Variants in SLC13A3 observed in about 807,000 individuals in gnomAD.
SLC13A3 encodes solute carrier family 13 member 3.
In SLC13A3, 40 loss-of-function variants were observed where a neutral mutation model predicts 59.0. The observed-to-expected ratio is 0.68, with a 90% CI of 0.53 to 0.88. The LOEUF (loss-of-function observed/expected upper bound fraction) is 0.88. Ranked by LOEUF, SLC13A3 falls within the 40% of genes least tolerant of loss-of-function variation. The pLI, the probability that SLC13A3 is intolerant of heterozygous loss-of-function variation, is 0.00. For missense variants in SLC13A3, 699 were observed against 783.2 expected (o/e 0.89, Z 1.28); for synonymous variants, 317 against 330.3 (o/e 0.96, Z 0.44).
chr20:46,678,926 T>C (rs1568968798), intron 1 of SLC13A3, among the ~76,000 whole-genome samples: 2 of 152,100 alleles, frequency 1.3e-5, no homozygotes, highest in Non-Finnish European at 2.9e-5. Flanking sequence ...AGACAGCCAG[T>C]TGTTTAAAGG....
At chr20:46,609,028 C>T in intron 3 of SLC13A3, 1 of 1,550,546 alleles carries the variant, frequency 6.4e-7, no homozygotes, top group Non-Finnish European at 8.7e-7. Flanking sequence ...TTCAGCCTTT[C>T]CTCAGAGAGG....
chr20:46,640,256 C>A (rs73908952), intron 1 of SLC13A3, among the ~76,000 whole-genome samples: 2,551 of 152,240 alleles, frequency 0.017, 40 homozygotes, highest in Middle Eastern at 0.051. Context: ...GAGCTGAGTA[C>A]AGTGGAAATC....
chr20:46,670,736 A>C, upstream of SLC13A3, among the ~76,000 whole-genome samples: 1 of 152,132 alleles, frequency 6.6e-6, no homozygotes, highest in Non-Finnish European at 1.5e-5. Context: ...CACCCAACTG[A>C]GCCCAGTCAA....
At chr20:46,622,876 T>G (rs1391014837) in intron 1 of SLC13A3, among the ~76,000 whole-genome samples, 4 of 152,136 alleles carry the variant, frequency 2.6e-5, no homozygotes. Context: ...CAGAGGAACT[T>G]CCTGATAAAA....
At chr20:46,628,077 C>T (rs73113800) in intron 1 of SLC13A3, among the ~76,000 whole-genome samples, 1,752 of 152,290 alleles carry the variant, frequency 0.012, 17 homozygotes, top group Non-Finnish European at 0.018. Flanking sequence ...ACACCAGCCA[C>T]GTGGCCACAC....
At chr20:46,669,459 AT>A (rs1412936563) in intron 1 of SLC13A3, among the ~76,000 whole-genome samples, 1 of 152,090 alleles carries the variant, frequency 6.6e-6, no homozygotes, top group African/African-American at 2.4e-5. Context: ...GATTACCTTC[AT>A]TACAGAGGAA....
chr20:46,601,035 C>T (rs917131856), intron 3 of SLC13A3, among the ~76,000 whole-genome samples: 30 of 151,780 alleles, frequency 2.0e-4, no homozygotes, highest in African/African-American at 6.8e-4. Flanking sequence ...TGCAAAGGCC[C>T]GGCAGTAAGG....
At chr20:46,600,304 A>G (rs1402444625) in intron 3 of SLC13A3, among the ~76,000 whole-genome samples, 1 of 102,560 alleles carries the variant, frequency 9.8e-6, no homozygotes, top group African/African-American at 5.0e-5. Flanking sequence ...AGAAAGAAAG[A>G]AAGAAAGAGG....
intron 1 of SLC13A3, among the ~76,000 whole-genome samples, chr20:46,616,861 G>A (rs914635786): frequency 2.0e-4 from 30 of 152,272 alleles, no homozygotes; most frequent in African/African-American, 7.0e-4. Context: ...GGGAACAATC[G>A]GTTTCCACAG....
chr20:46,648,038 G>A (rs892698029), intron 1 of SLC13A3, among the ~76,000 whole-genome samples: 4 of 152,170 alleles, frequency 2.6e-5, no homozygotes, highest in East Asian at 3.8e-4. Context: ...CGCTGAGGAC[G>A]CCTGTCTTGA....
At chr20:46,666,184 T>C (rs941633284) in intron 1 of SLC13A3, among the ~76,000 whole-genome samples, 1 of 152,252 alleles carries the variant, frequency 6.6e-6, no homozygotes, top group African/African-American at 2.4e-5. Flanking sequence ...GATAATTTTA[T>C]GTCAGGCATT....
At chr20:46,583,818 A>T in intron 8 of SLC13A3, 149 bp from the exon 9 acceptor site, 1 of 1,471,396 alleles carries the variant, frequency 6.8e-7, no homozygotes, top group Non-Finnish European at 9.0e-7. Flanking sequence ...TCTGTCCTTC[A>T]GTGCGCTCAG....
At chr20:46,617,130 C>T (rs1261814427) in intron 1 of SLC13A3, among the ~76,000 whole-genome samples, 1 of 152,204 alleles carries the variant, frequency 6.6e-6, no homozygotes, top group South Asian at 2.1e-4. Flanking sequence ...GTTCCTGGCA[C>T]ATTGTAGGCA....
At chr20:46,580,312 G>T (rs1440348714) in intron 9 of SLC13A3, among the ~76,000 whole-genome samples, 1 of 151,934 alleles carries the variant, frequency 6.6e-6, no homozygotes, top group African/African-American at 2.4e-5. Context: ...TAAGGAAACT[G>T]CTTTCTGTTT....
At chr20:46,676,578 T>C (rs1036350571) in intron 1 of SLC13A3, among the ~76,000 whole-genome samples, 1 of 151,952 alleles carries the variant, frequency 6.6e-6, no homozygotes, top group African/African-American at 2.4e-5. Context: ...TCTTTTCTTT[T>C]TCTTTAGTTT....
At position 46,563,540 on chromosome 20, in the gene SLC13A3, C is replaced by T; in HGVS notation, c.1506G>A (p.Leu502=). 1 of 1,613,706 alleles carries T rather than the reference C, an allele frequency of 6.2e-7. No individual in the cohort carries two copies. The highest frequency in any genetic ancestry group is 8.5e-7 in the Non-Finnish European group (1 of 1,179,902). The change falls in exon 12 of 13, where the codon CTG becomes CTA. Residue 502 remains leucine, a synonymous_variant. Transcript: ENST00000279027. ...TCATCAGATACAGGGGGTGCACTCTCAGGCGGATGGCCTGGGCCAGGAAAA... is the reference window on the plus strand; with the variant it reads ...TCATCAGATACAGGGGGTGCACTCTTAGGCGGATGGCCTGGGCCAGGAAAA... The part of the protein sequence containing the change: ...LPVLAELAIR[L]RVHPLYLMIP...
intron 1 of SLC13A3, among the ~76,000 whole-genome samples, chr20:46,647,512 G>A (rs1202254792): frequency 1.3e-5 from 2 of 152,142 alleles, no homozygotes; most frequent in Admixed American, 1.3e-4. Flanking sequence ...TGTAGTCCCT[G>A]GGGTAGCATC....
chr20:46,650,303 G>A (rs1262770971), intron 1 of SLC13A3, among the ~76,000 whole-genome samples: 1 of 152,070 alleles, frequency 6.6e-6, no homozygotes, highest in African/African-American at 2.4e-5. Context: ...ACTGAATACC[G>A]ACATAGTCAC....
At chr20:46,609,072 G>C (rs771506383) in intron 3 of SLC13A3, 1 of 1,549,162 alleles carries the variant, frequency 6.5e-7, no homozygotes, top group South Asian at 1.2e-5. Flanking sequence ...AAGAACAAAG[G>C]AAGAATCAAT....
Sources: gnomAD v4.1 joint callset for allele counts (sites outside exome capture counted in the v4.1 genomes callset) on GRCh38, gnomAD v4.1.1 for gene constraint, MANE v1.5 for transcripts, NCBI Gene and HGNC (gene_info 2026-07-23, HGNC 2026-07-21) for gene names.